CRIM1: variants seen among roughly 807,000 people sequenced by gnomAD.
CRIM1 encodes cysteine rich transmembrane BMP regulator 1, also known as cysteine-rich motor neuron 1 protein.
In CRIM1, 32 loss-of-function variants were observed where a neutral mutation model predicts 116.4. The ratio of observed to expected loss-of-function variants is 0.27; its 90% CI spans 0.21 to 0.37. The LOEUF is 0.37. Among genes scored for constraint, CRIM1 ranks in the 10% least tolerant of loss-of-function variants. The probability of loss-of-function intolerance (pLI) is 1.00; values close to 1 mark genes in which losing one functional copy is unlikely to be tolerated. For synonymous variants in CRIM1, 590 were observed against 509.2 expected (o/e 1.16, Z -2.13); for missense variants, 1,331 against 1,354.8 (o/e 0.98, Z 0.28).
chr2:36,417,731 A>C (rs1673733541), intron 2 of CRIM1, among the ~76,000 whole-genome samples: 1 of 152,206 alleles, frequency 6.6e-6, no homozygotes, highest in African/African-American at 2.4e-5. Flanking sequence ...GTACGGCCCG[A>C]ACTCAAGAGG....
chr2:36,466,171 C>T (rs917818903), intron 5 of CRIM1, among the ~76,000 whole-genome samples: 5 of 152,156 alleles, frequency 3.3e-5, no homozygotes, highest in Admixed American at 3.3e-4. Context: ...CACGTGTGAG[C>T]CACTGCTTCC....
intron 7 of CRIM1, among the ~76,000 whole-genome samples, chr2:36,494,372 G>T (rs1360999773): frequency 1.3e-5 from 2 of 152,130 alleles, no homozygotes; most frequent in Non-Finnish European, 1.5e-5. Context: ...CAAGACATCT[G>T]TTAGGCTTTT....
intron 1 of CRIM1, among the ~76,000 whole-genome samples, chr2:36,396,125 G>A (rs1241372875): frequency 6.6e-6 from 1 of 151,998 alleles, no homozygotes; most frequent in Non-Finnish European, 1.5e-5. Context: ...GCCCAGGCTG[G>A]TCATGAACTC....
rs137865696 is a variant in CRIM1 at position 36,465,231 on chromosome 2, C to G, written c.991+576C>G. ...GCCCTGAAAAAGGATTCTTGGGTCA[C>G]GAGATTCCTTCTGACAGAATCTGCC... On this transcript the variant is annotated intron_variant, in intron 5 of 16. Coordinates refer to ENST00000280527, the MANE Select transcript of CRIM1 (RefSeq NM_016441.3). 4.6e-5 allele frequency among the ~76,000 whole-genome samples: 7 copies of G among 152,274 alleles called. No homozygotes were observed. The South Asian group carries it at 6.2e-4, about 14-fold the overall frequency.
intron 14 of CRIM1, among the ~76,000 whole-genome samples, chr2:36,539,573 G>C (rs1363365032): frequency 1.3e-5 from 2 of 152,170 alleles, no homozygotes; most frequent in Admixed American, 6.5e-5. Flanking sequence ...GGGGCATGGA[G>C]GTCAATAGTG....
intron 2 of CRIM1, among the ~76,000 whole-genome samples, chr2:36,422,747 C>T (rs1044195104): frequency 3.3e-5 from 5 of 152,170 alleles, no homozygotes; most frequent in South Asian, 2.1e-4. Flanking sequence ...GGGATGCTTA[C>T]GCTATAACTC....
intron 1 of CRIM1, among the ~76,000 whole-genome samples, chr2:36,385,325 A>G (rs904793082): frequency 2.0e-5 from 3 of 152,214 alleles, no homozygotes; most frequent in Admixed American, 6.5e-5. Context: ...AATGATTGCT[A>G]GCTGATTTCA....
At chr2:36,466,237 G>C (rs1475944358) in intron 5 of CRIM1, among the ~76,000 whole-genome samples, 6 of 152,074 alleles carry the variant, frequency 3.9e-5, no homozygotes, top group Admixed American at 3.3e-4. Context: ...CACAGTTCTG[G>C]ACATTGGGGA....
At chr2:36,453,762 A>C (rs1676915924) in intron 4 of CRIM1, among the ~76,000 whole-genome samples, 1 of 152,226 alleles carries the variant, frequency 6.6e-6, no homozygotes, top group African/African-American at 2.4e-5. Context: ...AGAAGTGTGC[A>C]AAAAACACAA....
intron 2 of CRIM1, among the ~76,000 whole-genome samples, chr2:36,437,463 A>G (rs144701266): frequency 0.012 from 1,844 of 152,290 alleles, 36 homozygotes; most frequent in African/African-American, 0.04. Context: ...ACATTACTCA[A>G]GTTTATAAAT....
At chr2:36,398,463 A>T (rs929242607) in intron 2 of CRIM1, among the ~76,000 whole-genome samples, 1 of 152,242 alleles carries the variant, frequency 6.6e-6, no homozygotes, top group African/African-American at 2.4e-5. Flanking sequence ...GCGTGTATTT[A>T]TGATCTTTGC....
intron 2 of CRIM1, among the ~76,000 whole-genome samples, chr2:36,410,019 C>T (rs1673090118): frequency 6.6e-6 from 1 of 152,176 alleles, no homozygotes; most frequent in Admixed American, 6.5e-5. Flanking sequence ...GGGATATACT[C>T]TTACAGTGTG....
At chr2:36,546,435 AAAGT>A (rs909176091) in intron 15 of CRIM1, among the ~76,000 whole-genome samples, 13 of 152,192 alleles carry the variant, frequency 8.5e-5, no homozygotes, top group Non-Finnish European at 1.5e-4. Context: ...AAGTTTATGA[AAAGT>A]AAGACAATAT....
At chr2:36,483,697 G>A (rs1679599068) in intron 7 of CRIM1, among the ~76,000 whole-genome samples, 1 of 152,164 alleles carries the variant, frequency 6.6e-6, no homozygotes, top group Admixed American at 6.5e-5. Flanking sequence ...AACAACATGT[G>A]ATGTGTAAGT....
chr2:36,363,536 C>CCA (rs1553364351), intron 1 of CRIM1, among the ~76,000 whole-genome samples: 1 of 141,918 alleles, frequency 7.0e-6, no homozygotes, highest in Non-Finnish European at 1.6e-5. Context: ...GCCGCCCCCC[C>CCA]CCCCCATGAC....
At chr2:36,516,468 T>C (rs991682338) in intron 11 of CRIM1, among the ~76,000 whole-genome samples, 2 of 152,188 alleles carry the variant, frequency 1.3e-5, no homozygotes, top group Non-Finnish European at 2.9e-5. Context: ...TCTTCAGACA[T>C]TTTCAACATT....
rs534383061 is a variant in CRIM1, at chr2:36,356,845, G to A, written c.331+222G>A. Among the ~76,000 whole-genome samples, 12 of 152,312 alleles carry A rather than the reference G, an allele frequency of 7.9e-5. No individual in the cohort carries two copies. The highest frequency in any genetic ancestry group is 1.5e-4 in the Non-Finnish European group (10 of 68,008). On this transcript the variant is annotated intron_variant, in intron 1 of 16. Transcript: ENST00000280527. The surrounding 1 kb of genome is among the most constrained non-coding windows in gnomAD (Gnocchi z 4.3). The stretch of plus-strand genomic sequence containing the variant: ...GCGGGCGAGGTTGGGTATGGTGGGT[G>A]GGGGCGAGCGAGTGGAGGATCGCCC...
At chr2:36,413,208 A>G (rs1399563191) in intron 2 of CRIM1, among the ~76,000 whole-genome samples, 6 of 152,182 alleles carry the variant, frequency 3.9e-5, no homozygotes. Context: ...TGCTTGTTAA[A>G]TGTCAGTGAA....
At chr2:36,405,763 A>G (rs932098454) in intron 2 of CRIM1, among the ~76,000 whole-genome samples, 4 of 152,224 alleles carry the variant, frequency 2.6e-5, no homozygotes, top group Admixed American at 1.3e-4. Context: ...AAAAAAGCAT[A>G]TCTTATACAT....
Sources: gnomAD v4.1 joint callset for allele counts (sites outside exome capture counted in the v4.1 genomes callset) on GRCh38, gnomAD v4.1.1 for gene constraint, Gnocchi (gnomAD v3.1) non-coding constraint, MANE v1.5 for transcripts, NCBI Gene and HGNC (gene_info 2026-07-23, HGNC 2026-07-21) for gene names.